Variants in ATG7 observed in about 807,000 individuals in gnomAD.
ATG7 encodes ubiquitin-like modifier-activating enzyme ATG7.
In ATG7, 70 loss-of-function variants were observed where a neutral mutation model predicts 82.4. The ratio of observed to expected loss-of-function variants is 0.85; its 90% CI spans 0.70 to 1.04. The LOEUF is 1.04. ATG7 is among the 50% of genes least tolerant of loss of function. ATG7 has a pLI of 0.00. For missense variants in ATG7, 792 were observed against 864.3 expected (o/e 0.92, Z 1.05); for synonymous variants, 287 against 313.0 (o/e 0.92, Z 0.88).
chr3:11,460,385 G>T (rs2086190339), intron 20 of ATG7, among the ~76,000 whole-genome samples: 1 of 152,196 alleles, frequency 6.6e-6, no homozygotes, highest in South Asian at 2.1e-4. Context: ...CTGCCTAGAA[G>T]ACTGTGTTGA....
intron 18 of ATG7, among the ~76,000 whole-genome samples, chr3:11,367,641 A>G (rs1460878913): frequency 6.6e-6 from 1 of 152,236 alleles, no homozygotes; most frequent in Non-Finnish European, 1.5e-5. Context: ...AGACTGGCCA[A>G]GTGCCAAAAA....
chr3:11,494,964 C>T (rs557917869), intron 20 of ATG7, among the ~76,000 whole-genome samples: 4 of 152,084 alleles, frequency 2.6e-5, no homozygotes, highest in Admixed American at 2.0e-4. Flanking sequence ...CCCAGCTACT[C>T]GGGAGGCTGA....
intron 20 of ATG7, among the ~76,000 whole-genome samples, chr3:11,499,884 G>A (rs2091192769): frequency 6.6e-6 from 1 of 152,068 alleles, no homozygotes; most frequent in East Asian, 1.9e-4. Context: ...TACCAGTCTT[G>A]TGCATCCCCC....
intron 20 of ATG7, among the ~76,000 whole-genome samples, chr3:11,507,903 G>T (rs1000891439): frequency 1.3e-4 from 20 of 151,986 alleles, no homozygotes; most frequent in African/African-American, 4.8e-4. Context: ...TGTAAGGCAT[G>T]CTGGGAAACA....
rs369991964 is a variant in ATG7, at chr3:11,544,814, C to T, written c.2080-9997C>T. Among the ~76,000 whole-genome samples, 213 of 152,352 alleles carry T rather than the reference C, an allele frequency of 1.4e-3. 2 individuals carry two copies. The highest frequency in any genetic ancestry group is 4.9e-3 in the African/African-American group (205 of 41,582). ...AGATGGTTCTGAATCATTGTTCCTG[C>T]AAAGCCTCTCTACTAGACCAGGCTC... On this transcript the variant is annotated intron_variant, in intron 20 of 20. Coordinates refer to ENST00000693202, the MANE Select transcript of ATG7 (RefSeq NM_001349232.2).
intron 20 of ATG7, among the ~76,000 whole-genome samples, chr3:11,475,329 C>G (rs1050022849): frequency 2.6e-5 from 4 of 152,106 alleles, no homozygotes; most frequent in Admixed American, 2.6e-4. Context: ...TTATTAATGT[C>G]ACTTCTTATA....
At chr3:11,543,595 G>T (rs2125034918) in intron 20 of ATG7, among the ~76,000 whole-genome samples, 1 of 152,322 alleles carries the variant, frequency 6.6e-6, no homozygotes, top group Non-Finnish European at 1.5e-5. Flanking sequence ...AGGCACCGGG[G>T]TGGTGTGTTA....
At chr3:11,516,163 A>C (rs1401398235) in intron 20 of ATG7, among the ~76,000 whole-genome samples, 2 of 152,138 alleles carry the variant, frequency 1.3e-5, no homozygotes, top group Non-Finnish European at 2.9e-5. Context: ...CCAACTCATC[A>C]GGGAAGATAT....
intron 20 of ATG7, among the ~76,000 whole-genome samples, chr3:11,482,540 C>G (rs1346039878): frequency 6.6e-6 from 1 of 152,184 alleles, no homozygotes; most frequent in Admixed American, 6.5e-5. Flanking sequence ...GTAGGTCCCC[C>G]TGCTCCACCT....
intron 19 of ATG7, among the ~76,000 whole-genome samples, chr3:11,425,211 G>C (rs960523122): frequency 2.0e-5 from 3 of 152,150 alleles, no homozygotes; most frequent in African/African-American, 7.2e-5. Context: ...CAGTCCTCCT[G>C]CCTTGGCCAC....
intron 20 of ATG7, among the ~76,000 whole-genome samples, chr3:11,528,553 G>A (rs773944231): frequency 1.3e-5 from 2 of 152,090 alleles, no homozygotes; most frequent in Non-Finnish European, 2.9e-5. Flanking sequence ...TAGTTTGGGC[G>A]CAGTGACTCA....
chr3:11,461,564 G>A (rs1027705925), intron 20 of ATG7, among the ~76,000 whole-genome samples: 29 of 152,172 alleles, frequency 1.9e-4, no homozygotes, highest in African/African-American at 7.0e-4. Context: ...AGACTCAAAA[G>A]CAAGCATTTA....
rs542005084 is a variant in ATG7, at chr3:11,457,698, G to A, written c.2079+30772G>A. ...GGGTGACAGATCAATTTCAATTTGT[G>A]TGCCCCTCGCTTATGGGTGTTTGGA... On this transcript the variant is annotated intron_variant, in intron 20 of 20. Transcript: ENST00000693202. Among the ~76,000 whole-genome samples the A allele has an allele frequency of 1.1e-4, 17 of 152,276 alleles. No individual in the cohort carries two copies. The South Asian group carries it at 3.1e-3, about 28-fold the overall frequency.
chr3:11,498,800 C>T (rs2091074400), intron 20 of ATG7, among the ~76,000 whole-genome samples: 1 of 152,240 alleles, frequency 6.6e-6, no homozygotes, highest in South Asian at 2.1e-4. Context: ...TTGACTCTGT[C>T]CTAGGCTGGG....
At chr3:11,531,329 G>A (rs2092689796) in intron 20 of ATG7, among the ~76,000 whole-genome samples, 1 of 152,136 alleles carries the variant, frequency 6.6e-6, no homozygotes, top group Admixed American at 6.5e-5. Flanking sequence ...GAGGTGGGGG[G>A]CACAGAGGAA....
chr3:11,277,794 A>G (rs1452467399), intron 1 of ATG7, among the ~76,000 whole-genome samples: 1 of 151,014 alleles, frequency 6.6e-6, no homozygotes. Flanking sequence ...GGGTTTCCCA[A>G]TCCTAGTAAG....
At chr3:11,568,533 A>T in the ATG7 span, 1 of 1,544,708 alleles carries the variant, frequency 6.5e-7, no homozygotes, top group East Asian at 2.4e-5. This position sits in a 1 kb window ranked among gnomAD's most constrained non-coding sequence, Gnocchi z 5.9. Flanking sequence ...GGTCAGACAA[A>T]GACACTGAAA....
chr3:11,349,335 T>C (rs1955102504), intron 14 of ATG7, among the ~76,000 whole-genome samples: 1 of 152,164 alleles, frequency 6.6e-6, no homozygotes, highest in Admixed American at 6.5e-5. Context: ...GCCCAGGAGT[T>C]TGGGACCAGC....
chr3:11,501,632 C>G (rs2091330009), intron 20 of ATG7, among the ~76,000 whole-genome samples: 1 of 152,036 alleles, frequency 6.6e-6, no homozygotes, highest in Non-Finnish European at 1.5e-5. Flanking sequence ...AAGAAATTCC[C>G]TTTATTCTCA....
Sources: allele counts gnomAD v4.1 joint callset (sites outside exome capture counted in the v4.1 genomes callset), GRCh38; gene constraint gnomAD v4.1.1; non-coding constraint Gnocchi (gnomAD v3.1); transcripts MANE v1.5; gene names NCBI Gene and HGNC (gene_info 2026-07-23, HGNC 2026-07-21).